Variants in CNTN5 observed in about 807,000 individuals in gnomAD.
The protein encoded by CNTN5 is contactin 5, also known as contactin-5.
A neutral mutation model predicts 129.1 loss-of-function variants in CNTN5; 77 were observed. That is an observed-to-expected ratio of 0.60 (90% confidence interval 0.50 to 0.72). CNTN5 has a LOEUF of 0.72. Ranked by LOEUF, CNTN5 falls within the 30% of genes least tolerant of loss-of-function variation. CNTN5 has a pLI of 0.00. For synonymous variants in CNTN5, 509 were observed against 465.6 expected, an observed-to-expected ratio of 1.09 and a Z score of -1.20; for missense variants, 1,478 against 1,328.8, an observed-to-expected ratio of 1.11 and a Z score of -1.75.
intron 2 of CNTN5, among the ~76,000 whole-genome samples, chr11:99,369,228 A>ATG (rs1565527108): frequency 2.1e-5 from 3 of 146,300 alleles, no homozygotes; most frequent in Non-Finnish European, 3.0e-5. Flanking sequence ...ATATATATAT[A>ATG]TGTATTTCAA....
At chr11:100,077,410 T>G (rs926171279) in intron 13 of CNTN5, among the ~76,000 whole-genome samples, 1 of 152,172 alleles carries the variant, frequency 6.6e-6, no homozygotes, top group Non-Finnish European at 1.5e-5. Context: ...CAATAAAAAT[T>G]TTGTTGTTTT....
intron 2 of CNTN5, among the ~76,000 whole-genome samples, chr11:99,427,799 A>T (rs1943196141): frequency 6.6e-6 from 1 of 150,546 alleles, no homozygotes; most frequent in Non-Finnish European, 1.5e-5. Flanking sequence ...AAAAGTTAAA[A>T]TTTCTTATAA....
intron 2 of CNTN5, among the ~76,000 whole-genome samples, chr11:99,376,129 C>T (rs1181558628): frequency 1.3e-5 from 2 of 152,072 alleles, no homozygotes; most frequent in African/African-American, 4.8e-5. Context: ...TATTATTGTA[C>T]GATTATAAAA....
intron 13 of CNTN5, among the ~76,000 whole-genome samples, chr11:100,162,019 G>A (rs1279208785): frequency 6.6e-6 from 1 of 151,620 alleles, no homozygotes; most frequent in African/African-American, 2.4e-5. Flanking sequence ...TGCTATGGAG[G>A]AGTGAGGCCA....
intron 9 of CNTN5, among the ~76,000 whole-genome samples, chr11:100,044,218 CCAGT>C (rs1565821675): frequency 6.6e-6 from 1 of 151,576 alleles, no homozygotes; most frequent in African/African-American, 2.4e-5. Context: ...TCTTTAATTT[CCAGT>C]CAGTCATTAA....
intron 3 of CNTN5, among the ~76,000 whole-genome samples, chr11:99,761,619 T>C (rs569378670): frequency 1.3e-5 from 2 of 152,174 alleles, no homozygotes; most frequent in Admixed American, 1.3e-4. Context: ...GGCTGCATAG[T>C]ATTCCATGGT....
intron 9 of CNTN5, among the ~76,000 whole-genome samples, chr11:100,016,672 A>T (rs1314160054): frequency 6.6e-6 from 1 of 152,014 alleles, no homozygotes; most frequent in Non-Finnish European, 1.5e-5. Context: ...TGCTACAATT[A>T]GATTTAATAT....
chr11:99,613,419 C>T (rs577910289), intron 3 of CNTN5, among the ~76,000 whole-genome samples: 6 of 152,262 alleles, frequency 3.9e-5, no homozygotes, highest in South Asian at 2.1e-4. Context: ...GAGGCCTCCC[C>T]AGCCGTGCTG....
intron 1 of CNTN5, among the ~76,000 whole-genome samples, chr11:99,152,372 A>G (rs1860107395): frequency 6.6e-6 from 1 of 152,194 alleles, no homozygotes. Context: ...ATTTAAATTT[A>G]TAATATTCCA....
chr11:100,149,462 A>ATAAAT (rs1326634480), intron 13 of CNTN5, among the ~76,000 whole-genome samples: 1 of 152,220 alleles, frequency 6.6e-6, no homozygotes, highest in Non-Finnish European at 1.5e-5. Flanking sequence ...AAATGCTATG[A>ATAAAT]TAAATTCAGT....
In CNTN5 at chr11:99,388,271, C is replaced by T. The variant is rs193067825; in HGVS notation, c.-71+62787C>T. The stretch of plus-strand genomic sequence containing the variant: ...TCTCTACTAAAAATACAAAATTAGC[C>T]GAGCATGGTGGCACACACCTGTAAT... On this transcript the variant is annotated intron_variant, in intron 2 of 24. Coordinates refer to ENST00000524871, the MANE Select transcript of CNTN5 (RefSeq NM_014361.4). Among the ~76,000 whole-genome samples the T allele has an allele frequency of 2.5e-3, 384 of 151,706 alleles. 1 individual carries two copies. The highest frequency in any genetic ancestry group is 8.0e-3 in the African/African-American group (329 of 41,348).
intron 2 of CNTN5, among the ~76,000 whole-genome samples, chr11:99,369,966 G>A (rs1939728392): frequency 6.6e-6 from 1 of 152,146 alleles, no homozygotes; most frequent in African/African-American, 2.4e-5. Context: ...CCAAAGTTAT[G>A]TCATTACATA....
chr11:99,817,359 G>T (rs1265745100), intron 3 of CNTN5, among the ~76,000 whole-genome samples: 1 of 152,186 alleles, frequency 6.6e-6, no homozygotes, highest in Admixed American at 6.5e-5. Flanking sequence ...AGTGCGCTTA[G>T]CCAAATTAGC....
intron 15 of CNTN5, among the ~76,000 whole-genome samples, chr11:100,205,225 AT>A (rs1948889126): frequency 6.6e-6 from 1 of 151,888 alleles, no homozygotes; most frequent in Non-Finnish European, 1.5e-5. Flanking sequence ...TCATTTTGCA[AT>A]TTCTCTTTCG....
chr11:99,144,305 A>G (rs1311875333), intron 1 of CNTN5, among the ~76,000 whole-genome samples: 1 of 152,214 alleles, frequency 6.6e-6, no homozygotes, highest in South Asian at 2.1e-4. Context: ...GAAATAACAT[A>G]AGAAGTGGGA....
At chr11:99,502,395 G>A (rs1036922796) in intron 2 of CNTN5, among the ~76,000 whole-genome samples, 1 of 152,136 alleles carries the variant, frequency 6.6e-6, no homozygotes, top group Non-Finnish European at 1.5e-5. Flanking sequence ...GGGACGAGAT[G>A]GAGGTAATTG....
At chr11:99,083,625 T>A (rs1045821756) in intron 1 of CNTN5, among the ~76,000 whole-genome samples, 1 of 152,208 alleles carries the variant, frequency 6.6e-6, no homozygotes, top group African/African-American at 2.4e-5. Context: ...TATGTGGGTA[T>A]ATCCAGAATT....
intron 13 of CNTN5, among the ~76,000 whole-genome samples, chr11:100,094,702 G>T (rs1944924532): frequency 6.7e-6 from 1 of 150,068 alleles, no homozygotes; most frequent in Non-Finnish European, 1.5e-5. Context: ...AGGAAGGAAA[G>T]CAGACCAGGA....
Position 99,795,008 on chromosome 11 carries a change from A to C in CNTN5, c.56-24536A>C, listed in dbSNP as rs1945882203. 2.0e-5 allele frequency among the ~76,000 whole-genome samples: 3 copies of C among 152,206 alleles called. No homozygotes were observed. The South Asian group carries it at 6.2e-4, about 32-fold the overall frequency. The stretch of plus-strand genomic sequence containing the variant: ...GGAAATTTTAATGGAGGATATCCTC[A>C]AATATGTTTTTCAAGTTACTTGCTT... On this transcript the variant is annotated intron_variant, in intron 3 of 24. Coordinates refer to ENST00000524871, the MANE Select transcript of CNTN5 (RefSeq NM_014361.4).
Sources: gnomAD v4.1 joint callset for allele counts (sites outside exome capture counted in the v4.1 genomes callset) on GRCh38, gnomAD v4.1.1 for gene constraint, MANE v1.5 for transcripts, NCBI Gene and HGNC (gene_info 2026-07-23, HGNC 2026-07-21) for gene names.